The following C4orf51 variants were observed in gnomAD, a reference collection of about 807,000 sequenced individuals.
C4orf51 encodes the protein chromosome 4 open reading frame 51.
Under a neutral mutation model 25.2 loss-of-function variants are expected in C4orf51, and 25 were observed. The observed-to-expected ratio is 0.99, with a 90% CI of 0.72 to 1.39. The LOEUF (loss-of-function observed/expected upper bound fraction) is 1.39. Among genes scored for constraint, C4orf51 ranks in the 40% most tolerant of loss-of-function variants. The pLI is 0.00. For missense variants in C4orf51, 252 were observed against 239.6 expected (o/e 1.05, Z -0.34); for synonymous variants, 100 against 84.5 (o/e 1.18, Z -1.01).
chr4:145,764,328 G>A (rs1322395406), intron 1 of C4orf51, among the ~76,000 whole-genome samples: 1 of 152,124 alleles, frequency 6.6e-6, no homozygotes, highest in Admixed American at 6.5e-5. Flanking sequence ...TTTTATTCCT[G>A]TGTGCCTGTT....
In C4orf51 at chr4:145,696,588, ATCT is replaced by A. The variant is rs751910856; in HGVS notation, c.267_269del (p.Leu90del). On this transcript the variant is annotated inframe_deletion, in exon 2 of 6. Transcript: ENST00000438731. ...TCATTGACAAACAGTTCTGCCTGTC[ATCT>A]TCTCTGCTGGGCTGGTACCCAAGAG... 89 of 1,613,694 alleles carry A rather than the reference ATCT, an allele frequency of 5.5e-5. No individual in the cohort carries two copies. The highest frequency in any genetic ancestry group is 7.5e-5 in the Non-Finnish European group (88 of 1,179,780).
At chr4:145,788,122 A>G in the C4orf51 span, among the ~76,000 whole-genome samples, 1 of 152,220 alleles carries the variant, frequency 6.6e-6, no homozygotes, top group Admixed American at 6.5e-5. Context: ...CTTAGTAAAC[A>G]GCTGCTTCTG....
intron 1 of C4orf51, among the ~76,000 whole-genome samples, chr4:145,685,137 A>ATG (rs1729065917): frequency 6.6e-6 from 1 of 152,170 alleles, no homozygotes; most frequent in Non-Finnish European, 1.5e-5. Flanking sequence ...CAACCACAGA[A>ATG]TATACATTCT....
chr4:145,765,836 C>G lies in C4orf51; in HGVS notation n.167-5152C>G, dbSNP rs577125962. The G allele has an allele frequency of 8.0e-7, 1 of 1,255,334 alleles. No individual in the cohort carries two copies. Among genetic ancestry groups the G allele is most frequent in the Non-Finnish European group, 1.1e-6 (1 of 910,186 alleles). The allele number at this position is 1,255,334 out of a possible 1,614,324, so 77.8% of individuals were successfully genotyped here. A position where few individuals can be genotyped will look rare whatever the true frequency, so the allele number is the denominator to read the frequency against. On this transcript the variant is annotated intron_variant and non_coding_transcript_variant, in intron 1 of 1. Coordinates refer to the C4orf51 transcript ENST00000510096. The surrounding 1 kb of genome is among the most constrained non-coding windows in gnomAD (Gnocchi z 4.7). ...GAGTTGAGTCTCATGGATGCATCAT[C>G]ATTCTGGGGGCACAGGCTCATGTCC...
chr4:145,749,237 A>G (rs1031136605), intron 1 of C4orf51, among the ~76,000 whole-genome samples: 1 of 152,006 alleles, frequency 6.6e-6, no homozygotes, highest in African/African-American at 2.4e-5. Context: ...TTTCATTAGC[A>G]TGAAATATCT....
downstream of C4orf51, among the ~76,000 whole-genome samples, chr4:145,736,014 A>AT (rs1474637252): frequency 6.6e-6 from 1 of 151,952 alleles, no homozygotes; most frequent in African/African-American, 2.4e-5. Context: ...ATGCCTGCAA[A>AT]TATTTGCTAT....
chr4:145,765,432 T>A lies in C4orf51; in HGVS notation n.167-5556T>A. 3.2e-6 allele frequency: 4 copies of A among 1,264,128 alleles called. No individual in the cohort carries two copies. The highest frequency in any genetic ancestry group is 4.3e-6 in the Non-Finnish European group (4 of 922,694). 78.3% of individuals were successfully genotyped at this position (1,264,128 alleles called of 1,614,324 possible). A position where few individuals can be genotyped will look rare whatever the true frequency, so the allele number is the denominator to read the frequency against. On this transcript the variant is annotated intron_variant and non_coding_transcript_variant, in intron 1 of 1. Coordinates refer to the C4orf51 transcript ENST00000510096. The surrounding 1 kb of genome is among the most constrained non-coding windows in gnomAD (Gnocchi z 4.7). ...AACCTTTAGGTGAGGCCCAGCATAC[T>A]GCATCCTGGGCCTATTATCAGTTTT...
At chr4:145,703,476 G>A (rs1285982040) in intron 2 of C4orf51, among the ~76,000 whole-genome samples, 1 of 152,160 alleles carries the variant, frequency 6.6e-6, no homozygotes, top group African/African-American at 2.4e-5. Context: ...AAACCTGTTT[G>A]GTGGTCTCTT....
intron 2 of C4orf51, among the ~76,000 whole-genome samples, chr4:145,718,675 A>AT (rs1002737967): frequency 3.9e-5 from 6 of 152,078 alleles, no homozygotes; most frequent in Non-Finnish European, 7.4e-5. Context: ...CAAAATCCTA[A>AT]TTTTTTACCA....
Position 145,761,175 on chromosome 4 carries a change from C to T in C4orf51, n.167-9813C>T, listed in dbSNP as rs572972698. On this transcript the variant is annotated intron_variant and non_coding_transcript_variant, in intron 1 of 1. Transcript: ENST00000510096. The surrounding 1 kb of genome is among the most constrained non-coding windows in gnomAD (Gnocchi z 6.8). ...GGGCTGGACACAGGCCCTTCTTGTCCTCCTCGGGGCAGTCCCCACTCTGGT... is the reference window on the plus strand; with the variant it reads ...GGGCTGGACACAGGCCCTTCTTGTCTTCCTCGGGGCAGTCCCCACTCTGGT... The T allele has an allele frequency of 1.5e-4, 197 of 1,289,850 alleles. No homozygotes were observed. In the African/African-American group the frequency reaches 2.7e-3, roughly 18 times the overall value. 79.9% of individuals were successfully genotyped at this position (1,289,850 alleles called of 1,614,324 possible).
rs1560833437 is a variant in C4orf51 at position 145,703,551 on chromosome 4, CAGTTTTCTTTTCACTTCGTTGAT to C, written c.307+6925_307+6947del. 3.9e-5 allele frequency among the ~76,000 whole-genome samples: 6 copies of C among 152,254 alleles called. No individual in the cohort carries two copies. In the South Asian group the frequency reaches 1.2e-3, roughly 32 times the overall value. ...TTGCAAATATTTCCCCTTATTCTGTCAGTTTTCTTTTCACTTCGTTGATAGTTTCCTTTCCTGTGTAGAAAGTT... is the reference window on the plus strand; with the variant it reads ...TTGCAAATATTTCCCCTTATTCTGTCAGTTTCCTTTCCTGTGTAGAAAGTT... On this transcript the variant is annotated intron_variant, in intron 2 of 5. Transcript: ENST00000438731.
chr4:145,743,654 A>AT (rs1275871507), intron 1 of C4orf51, among the ~76,000 whole-genome samples: 8 of 152,238 alleles, frequency 5.3e-5, no homozygotes, highest in Admixed American at 3.3e-4. Flanking sequence ...GATCTAATTC[A>AT]TGCCATTCGC....
chr4:145,776,745 C>G, the C4orf51 span, among the ~76,000 whole-genome samples: 2 of 151,726 alleles, frequency 1.3e-5, no homozygotes. Flanking sequence ...TGGCCTGGGT[C>G]GGCCAAGAAA....
In C4orf51 at chr4:145,765,881, G is replaced by C; in HGVS notation, n.167-5107G>C. On this transcript the variant is annotated intron_variant and non_coding_transcript_variant, in intron 1 of 1. Transcript: ENST00000510096. The surrounding 1 kb of genome is among the most constrained non-coding windows in gnomAD (Gnocchi z 4.7). ...ATGTCCCCAGCTCCCCCACTGCTGG[G>C]GGATCCCAGGTCCTAAGGCACCTAC... The C allele has an allele frequency of 1.3e-6, 1 of 785,462 alleles. No homozygotes were observed. Among genetic ancestry groups the C allele is most frequent in the Non-Finnish European group, 1.9e-6 (1 of 513,716 alleles). 48.7% of individuals were successfully genotyped at this position (785,462 alleles called of 1,614,324 possible). A position where few individuals can be genotyped will look rare whatever the true frequency, so the allele number is the denominator to read the frequency against.
Position 145,765,883 on chromosome 4 carries a change from G to A in C4orf51, n.167-5105G>A, listed in dbSNP as rs1291391464. ...GTCCCCAGCTCCCCCACTGCTGGGG[G>A]ATCCCAGGTCCTAAGGCACCTACCT... On this transcript the variant is annotated intron_variant and non_coding_transcript_variant, in intron 1 of 1. Coordinates refer to the C4orf51 transcript ENST00000510096. The surrounding 1 kb of genome is among the most constrained non-coding windows in gnomAD (Gnocchi z 4.7). 1 of 759,856 alleles carries A rather than the reference G, an allele frequency of 1.3e-6. No individual in the cohort carries two copies. The highest frequency in any genetic ancestry group is 2.1e-5 in the South Asian group (1 of 48,774). The allele number at this position is 759,856 out of a possible 1,614,324, so 47.1% of individuals were successfully genotyped here. A position where few individuals can be genotyped will look rare whatever the true frequency, so the allele number is the denominator to read the frequency against.
At chr4:145,741,379 G>C (rs1026980111) in intron 1 of C4orf51, among the ~76,000 whole-genome samples, 7 of 152,008 alleles carry the variant, frequency 4.6e-5, no homozygotes, top group African/African-American at 1.4e-4. Flanking sequence ...TTGTATTTAG[G>C]AGACGAGGTA....
chr4:145,738,184 T>G (rs1447529092), intron 1 of C4orf51, among the ~76,000 whole-genome samples: 1 of 152,214 alleles, frequency 6.6e-6, no homozygotes, highest in Admixed American at 6.5e-5. Flanking sequence ...GCTCAGTGGC[T>G]CACGCCTGTA....
intron 1 of C4orf51, among the ~76,000 whole-genome samples, chr4:145,691,956 A>G (rs1459044688): frequency 1.3e-5 from 2 of 152,264 alleles, no homozygotes; most frequent in Admixed American, 6.5e-5. Flanking sequence ...ATGCCTAACA[A>G]TAAGATCTCT....
rs186672045 is a variant in C4orf51, at chr4:145,721,139, G to A, written c.308-5772G>A. On this transcript the variant is annotated intron_variant, in intron 2 of 5. Transcript: ENST00000438731. ...AGGTGGGCGGATCACAAGGTCAGGA[G>A]TTTGAGACCAGCCTGGCCAATATGG... 2.2e-3 allele frequency among the ~76,000 whole-genome samples: 331 copies of A among 152,104 alleles called. 1 individual carries two copies. The highest frequency in any genetic ancestry group is 7.6e-3 in the African/African-American group (314 of 41,476).
Sources: allele counts gnomAD v4.1 joint callset (sites outside exome capture counted in the v4.1 genomes callset), GRCh38; gene constraint gnomAD v4.1.1; non-coding constraint Gnocchi (gnomAD v3.1); transcripts MANE v1.5; gene names NCBI Gene and HGNC (gene_info 2026-07-23, HGNC 2026-07-21).